Variants in HPSE2 observed in about 807,000 individuals in gnomAD.
HPSE2 encodes the protein inactive heparanase-2.
In HPSE2, 38 loss-of-function variants were observed where a neutral mutation model predicts 60.5. The ratio of observed to expected loss-of-function variants is 0.63; its 90% CI spans 0.48 to 0.82. The LOEUF (loss-of-function observed/expected upper bound fraction) is 0.82, where lower values mean the gene tolerates loss of function less well. HPSE2 is among the 40% of genes least tolerant of loss of function. The pLI is 0.00. For synonymous variants in HPSE2, 295 were observed against 293.2 expected (o/e 1.01, Z -0.06); for missense variants, 713 against 740.4 (o/e 0.96, Z 0.43).
intron 9 of HPSE2, among the ~76,000 whole-genome samples, chr10:98,549,895 A>G (rs1477470519): frequency 6.6e-6 from 1 of 152,132 alleles, no homozygotes; most frequent in Non-Finnish European, 1.5e-5. Flanking sequence ...TTCCTGAGCA[A>G]TATCATCTAC....
At chr10:99,315,220 A>T in the HPSE2 span, among the ~76,000 whole-genome samples, 1 of 152,244 alleles carries the variant, frequency 6.6e-6, no homozygotes, top group Non-Finnish European at 1.5e-5. Context: ...ATATTTCTAC[A>T]TACCACAAGG....
chr10:99,139,667 A>G (rs1361778954), intron 3 of HPSE2, among the ~76,000 whole-genome samples: 1 of 152,152 alleles, frequency 6.6e-6, no homozygotes, highest in Non-Finnish European at 1.5e-5. Context: ...GGGCTAGTCT[A>G]TAAATTTTTA....
intron 9 of HPSE2, among the ~76,000 whole-genome samples, chr10:98,524,958 C>T (rs1942916038): frequency 6.6e-6 from 1 of 152,172 alleles, no homozygotes; most frequent in Admixed American, 6.5e-5. Context: ...CATGACAGAT[C>T]AGGAGAGAGA....
At chr10:99,199,826 A>G (rs890432181) in intron 2 of HPSE2, among the ~76,000 whole-genome samples, 1 of 152,164 alleles carries the variant, frequency 6.6e-6, no homozygotes, top group Non-Finnish European at 1.5e-5. Flanking sequence ...AACAACAGAC[A>G]TTGAGATTCT....
chr10:98,857,467 G>A (rs1236544862), intron 3 of HPSE2, among the ~76,000 whole-genome samples: 1 of 152,148 alleles, frequency 6.6e-6, no homozygotes, highest in African/African-American at 2.4e-5. Context: ...TTTATTGGTT[G>A]AGAACATTAA....
chr10:98,655,300 C>T (rs532421036), intron 6 of HPSE2, among the ~76,000 whole-genome samples: 5 of 152,030 alleles, frequency 3.3e-5, no homozygotes, highest in Admixed American at 3.3e-4. Flanking sequence ...GACACAGTTA[C>T]TAGGAAACCT....
intron 6 of HPSE2, among the ~76,000 whole-genome samples, chr10:98,659,887 G>A (rs1013434149): frequency 6.6e-6 from 1 of 152,188 alleles, no homozygotes; most frequent in Non-Finnish European, 1.5e-5. Flanking sequence ...GGAAAGGAAA[G>A]CTGATAATAG....
chr10:98,947,634 A>T (rs1955226865), intron 3 of HPSE2, among the ~76,000 whole-genome samples: 1 of 152,178 alleles, frequency 6.6e-6, no homozygotes, highest in Non-Finnish European at 1.5e-5. Context: ...AGTAAGAAAG[A>T]GAAGCAAGTA....
chr10:99,215,834 C>CTTTAAATTTTA (rs1849102294), intron 2 of HPSE2, among the ~76,000 whole-genome samples: 1 of 152,128 alleles, frequency 6.6e-6, no homozygotes, highest in African/African-American at 2.4e-5. Context: ...GCAATGGCTG[C>CTTTAAATTTTA]ACAGCTCTAA....
chr10:99,117,417 G>GAAAAAAAA (rs1157232317), intron 3 of HPSE2, among the ~76,000 whole-genome samples: 4 of 24,816 alleles, frequency 1.6e-4, no homozygotes, highest in African/African-American at 2.6e-4. Context: ...TTGTTTTTTT[G>GAAAAAAAA]AAAAAAAAAA....
chr10:98,624,672 A>G (rs1243068222), intron 7 of HPSE2, among the ~76,000 whole-genome samples: 4 of 152,214 alleles, frequency 2.6e-5, no homozygotes, highest in Admixed American at 2.6e-4. Flanking sequence ...AAACTGTAAA[A>G]TGATATACAA....
the HPSE2 span, among the ~76,000 whole-genome samples, chr10:99,279,369 C>T: frequency 6.6e-6 from 1 of 152,076 alleles, no homozygotes; most frequent in Non-Finnish European, 1.5e-5. Context: ...CATGTTGGCA[C>T]AGGAAAAACA....
the HPSE2 span, among the ~76,000 whole-genome samples, chr10:99,306,077 G>A: frequency 0.49 from 73,863 of 150,354 alleles, 21,395 homozygotes; most frequent in Non-Finnish European, 0.64. Flanking sequence ...AGAAGACACA[G>A]ACAGAGAGGG....
intron 3 of HPSE2, among the ~76,000 whole-genome samples, chr10:98,818,724 C>T (rs1832231): frequency 0.51 from 76,926 of 152,066 alleles, 21,456 homozygotes; most frequent in South Asian, 0.75. Context: ...TGAGGCAGTA[C>T]ATAATTATTA....
chr10:98,843,042 T>C (rs1186588960), intron 3 of HPSE2, among the ~76,000 whole-genome samples: 2 of 152,314 alleles, frequency 1.3e-5, no homozygotes, highest in African/African-American at 2.4e-5. Context: ...CTTATTTTTT[T>C]AATTTAACTT....
intron 9 of HPSE2, among the ~76,000 whole-genome samples, chr10:98,544,704 C>A (rs1369792937): frequency 1.1e-5 from 1 of 88,346 alleles, no homozygotes; most frequent in East Asian, 3.4e-4. Flanking sequence ...CAGAGCGAGA[C>A]TCCGTCTCAA....
intron 6 of HPSE2, among the ~76,000 whole-genome samples, chr10:98,677,229 A>C (rs1947667720): frequency 6.6e-6 from 1 of 152,228 alleles, no homozygotes; most frequent in African/African-American, 2.4e-5. Flanking sequence ...AACATCTATC[A>C]CAGTGCCTGC....
chr10:99,284,758 G>A, the HPSE2 span, among the ~76,000 whole-genome samples: 1 of 152,140 alleles, frequency 6.6e-6, no homozygotes, highest in Non-Finnish European at 1.5e-5. Context: ...CTTGTGTCAT[G>A]GGAGTTTGTT....
intron 3 of HPSE2, among the ~76,000 whole-genome samples, chr10:99,143,761 G>A (rs1214898422): frequency 6.6e-6 from 1 of 152,190 alleles, no homozygotes; most frequent in Non-Finnish European, 1.5e-5. Flanking sequence ...GCACGGCTCA[G>A]TCTCATAGCC....
Sources: gnomAD v4.1 joint callset for allele counts (sites outside exome capture counted in the v4.1 genomes callset) on GRCh38, gnomAD v4.1.1 for gene constraint, MANE v1.5 for transcripts, NCBI Gene and HGNC (gene_info 2026-07-23, HGNC 2026-07-21) for gene names.